Variants in NXPE2 observed in about 807,000 individuals in gnomAD.
NXPE2 encodes neurexophilin and PC-esterase domain family member 2, also known as NXPE family member 2.
NXPE2 carries 34 observed loss-of-function variants against 34.4 expected under a neutral mutation model. That is an observed-to-expected ratio of 0.99 (90% CI 0.75 to 1.31). The LOEUF (loss-of-function observed/expected upper bound fraction) is 1.31. Ranked by LOEUF, NXPE2 falls within the 40% of genes most tolerant of loss-of-function variation. The pLI, the probability that NXPE2 is intolerant of heterozygous loss-of-function variation, is 0.00. For synonymous variants in NXPE2, 235 were observed against 231.3 expected, an observed-to-expected ratio of 1.02 and a Z score of -0.15; for missense variants, 649 against 672.5, an observed-to-expected ratio of 0.97 and a Z score of 0.39.
At chr11:114,633,085 T>C in the NXPE2 span, among the ~76,000 whole-genome samples, 1 of 120,424 alleles carries the variant, frequency 8.3e-6, no homozygotes, top group Non-Finnish European at 1.6e-5. Context: ...TAATTTATCT[T>C]TTATGTATTT....
chr11:114,763,157 T>G, the NXPE2 span, among the ~76,000 whole-genome samples: 64,670 of 151,868 alleles, frequency 0.43, 14,283 homozygotes, highest in East Asian at 0.49. Flanking sequence ...TAAAATAAAA[T>G]TATGGGGCAA....
the NXPE2 span, among the ~76,000 whole-genome samples, chr11:114,538,247 T>G: frequency 1.3e-5 from 2 of 152,226 alleles, no homozygotes; most frequent in Non-Finnish European, 2.9e-5. Context: ...TGAAACTGGA[T>G]GCCTTCCTTA....
the NXPE2 span, chr11:114,518,314 CTG>C: frequency 6.6e-6 from 1 of 152,278 alleles, no homozygotes; most frequent in Non-Finnish European, 1.5e-5. Context: ...AGCCATTGCT[CTG>C]TGCTCTAAGT....
chr11:114,687,892 A>G (rs534461558), intron 2 of NXPE2, among the ~76,000 whole-genome samples: 1 of 151,940 alleles, frequency 6.6e-6, no homozygotes, highest in South Asian at 2.1e-4. Context: ...TCTCAGCTTG[A>G]ACATTATTGG....
the NXPE2 span, among the ~76,000 whole-genome samples, chr11:114,601,571 TTATAATTATATATTA>T: frequency 2.1e-5 from 2 of 96,646 alleles, no homozygotes; most frequent in African/African-American, 9.9e-5. Flanking sequence ...TAATTATATA[TTATAATTATATATTA>T]TATATATTAT....
At chr11:114,568,910 A>G in the NXPE2 span, among the ~76,000 whole-genome samples, 1 of 152,064 alleles carries the variant, frequency 6.6e-6, no homozygotes, top group African/African-American at 2.4e-5. Context: ...GATGGCAGAG[A>G]TATCATTTGT....
intron 2 of NXPE2, among the ~76,000 whole-genome samples, chr11:114,685,491 C>T (rs1230563421): frequency 1.3e-5 from 2 of 152,144 alleles, no homozygotes; most frequent in Non-Finnish European, 2.9e-5. Context: ...CCCTAGAAGT[C>T]CCATCTCTTA....
chr11:114,799,307 A>G, the NXPE2 span, among the ~76,000 whole-genome samples: 9 of 151,582 alleles, frequency 5.9e-5, no homozygotes, highest in Non-Finnish European at 7.4e-5. Flanking sequence ...AAAAAAAAAA[A>G]AAAAAAAATT....
At chr11:114,663,637 C>CTATCTATCTATCATCTATCTATCATCT in the NXPE2 span, among the ~76,000 whole-genome samples, 224 of 138,854 alleles carry the variant, frequency 1.6e-3, no homozygotes, top group East Asian at 3.0e-3. Context: ...ATCTATCTAT[C>CTATCTATCTATCATCTATCTATCATCT]ATCTATCCAT....
At chr11:114,717,626 A>G in the NXPE2 span, among the ~76,000 whole-genome samples, 1 of 152,232 alleles carries the variant, frequency 6.6e-6, no homozygotes, top group African/African-American at 2.4e-5. Flanking sequence ...AACCTAAGAT[A>G]ATGCCACACA....
the NXPE2 span, among the ~76,000 whole-genome samples, chr11:114,621,739 G>T: frequency 3.4e-5 from 5 of 148,574 alleles, no homozygotes; most frequent in African/African-American, 9.8e-5. Flanking sequence ...GGGTAACCAC[G>T]GTTAACTGCT....
the NXPE2 span, among the ~76,000 whole-genome samples, chr11:114,596,869 G>A: frequency 1.3e-5 from 2 of 152,128 alleles, no homozygotes; most frequent in Admixed American, 1.3e-4. Flanking sequence ...TATGAGGTAG[G>A]CACAATAGAT....
chr11:114,619,230 G>A, the NXPE2 span, among the ~76,000 whole-genome samples: 96 of 151,672 alleles, frequency 6.3e-4, no homozygotes, highest in African/African-American at 1.9e-3. Flanking sequence ...ACTCTTACCC[G>A]GTAGAATATA....
At chr11:114,553,970 A>C in the NXPE2 span, 1 of 985,462 alleles carries the variant, frequency 1.0e-6, no homozygotes, top group Non-Finnish European at 1.2e-6. Context: ...ACCCCTGCTC[A>C]TAGGAATCTC....
chr11:114,660,182 T>C, the NXPE2 span, among the ~76,000 whole-genome samples: 154 of 152,128 alleles, frequency 1.0e-3, 1 homozygote, highest in Admixed American at 8.3e-3. Flanking sequence ...TAATTCCTAA[T>C]GAAAAATCAG....
the NXPE2 span, among the ~76,000 whole-genome samples, chr11:114,479,385 T>A: frequency 6.6e-6 from 1 of 152,160 alleles, no homozygotes; most frequent in Non-Finnish European, 1.5e-5. Flanking sequence ...AGTGGGCATA[T>A]AGAGAAGGGA....
upstream of NXPE2, chr11:114,678,521 T>A (rs769500808): frequency 2.2e-5 from 30 of 1,389,922 alleles, no homozygotes; most frequent in Non-Finnish European, 3.0e-5. Flanking sequence ...ATGCAAAGAC[T>A]GCTTTAATCA....
the NXPE2 span, among the ~76,000 whole-genome samples, chr11:114,465,443 C>T: frequency 6.6e-6 from 1 of 152,056 alleles, no homozygotes; most frequent in South Asian, 2.1e-4. Flanking sequence ...CCTGACAAAG[C>T]TAAGCAATGT....
the NXPE2 span, among the ~76,000 whole-genome samples, chr11:114,725,976 A>AAAATATAT: frequency 1.0e-3 from 103 of 101,728 alleles, 2 homozygotes; most frequent in South Asian, 3.6e-3. Context: ...ATAAAAAAAA[A>AAAATATAT]ATATATATAT....
Sources: gnomAD v4.1 joint callset for allele counts (sites outside exome capture counted in the v4.1 genomes callset) on GRCh38, gnomAD v4.1.1 for gene constraint, MANE v1.5 for transcripts, NCBI Gene and HGNC (gene_info 2026-07-23, HGNC 2026-07-21) for gene names.